Variants in MYH9 observed in about 807,000 individuals in gnomAD.
MYH9 encodes myosin-9.
A neutral mutation model predicts 241.9 loss-of-function variants in MYH9; 29 were observed. That is an observed-to-expected ratio of 0.12 (90% confidence interval 0.09 to 0.16). The LOEUF (loss-of-function observed/expected upper bound fraction) is 0.16. MYH9 is among the 10% of genes least tolerant of loss of function. The probability of loss-of-function intolerance (pLI) is 1.00; values close to 1 mark genes in which losing one functional copy is unlikely to be tolerated. For missense variants in MYH9, 1,803 were observed against 2,595.5 expected, an observed-to-expected ratio of 0.69 and a Z score of 6.63; for synonymous variants, 1,047 against 1,062.6, an observed-to-expected ratio of 0.99 and a Z score of 0.29.
intron 1 of MYH9, among the ~76,000 whole-genome samples, chr22:36,360,762 T>A (rs886220629): frequency 3.0e-4 from 46 of 151,752 alleles, no homozygotes; most frequent in African/African-American, 9.4e-4. Context: ...CTTAACTCCA[T>A]CCCAGGAATA....
intron 12 of MYH9, 75 bp downstream of exon 12, chr22:36,316,442 A>G: frequency 6.2e-7 from 1 of 1,604,938 alleles, no homozygotes; most frequent in Non-Finnish European, 8.5e-7. Flanking sequence ...CATGAGAAGC[A>G]GGGTTCTTAA....
chr22:36,355,217 C>T (rs556638227), intron 1 of MYH9, among the ~76,000 whole-genome samples: 3 of 152,156 alleles, frequency 2.0e-5, no homozygotes, highest in South Asian at 2.1e-4. Flanking sequence ...CATAATCGAG[C>T]GGGACACAAC....
At chr22:36,340,847 G>A (rs1028573326) in intron 3 of MYH9, among the ~76,000 whole-genome samples, 4 of 152,124 alleles carry the variant, frequency 2.6e-5, no homozygotes, top group Admixed American at 2.0e-4. Flanking sequence ...CCAGGAGGTG[G>A]GGATAGAGGC....
At chr22:36,356,686 T>C (rs949415995) in intron 1 of MYH9, among the ~76,000 whole-genome samples, 1 of 148,818 alleles carries the variant, frequency 6.7e-6, no homozygotes, top group African/African-American at 2.5e-5. Flanking sequence ...AACTAATACA[T>C]AGAGAATCCA....
In MYH9 at chr22:36,314,253, G is replaced by A. The variant is rs550631639; in HGVS notation, c.1446C>T (p.His482=). Reference sequence around the variant, plus strand: ...CCTCCTGCTCCAGGATGAACATGGTGTGGTTGAAGAGCTGCTGCAGCTTCT... The same window carrying A: ...CCTCCTGCTCCAGGATGAACATGGTATGGTTGAAGAGCTGCTGCAGCTTCT... ...TNEKLQQLFN[H]TMFILEQEEY... The change falls in exon 13 of 41, where the codon CAC becomes CAT. Residue 482 remains histidine (H), a synonymous_variant. Transcript: ENST00000216181. 1.2e-5 allele frequency: 19 copies of A among 1,614,232 alleles called. No individual in the cohort carries two copies. The South Asian group carries it at 1.6e-4, about 14-fold the overall frequency.
intron 25 of MYH9, among the ~76,000 whole-genome samples, chr22:36,296,621 G>A (rs1015113816): frequency 1.3e-5 from 2 of 150,626 alleles, no homozygotes; most frequent in Admixed American, 1.3e-4. Context: ...TGATAGAGCT[G>A]TGGATGACTT....
In MYH9 at chr22:36,343,033, G is replaced by A. The variant is rs573430604; in HGVS notation, c.334-1507C>T. On this transcript the variant is annotated intron_variant, in intron 2 of 40. Transcript: ENST00000216181. ...CTGCATGCACTACAGAGTCAACCCAGCCCCCTCCACCTGTGCCCTCTCCAG... is the reference window on the plus strand; with the variant it reads ...CTGCATGCACTACAGAGTCAACCCAACCCCCTCCACCTGTGCCCTCTCCAG... 4.6e-5 allele frequency among the ~76,000 whole-genome samples: 7 copies of A among 152,286 alleles called. No homozygotes were observed. In the South Asian group the frequency reaches 1.4e-3, roughly 32 times the overall value.
chr22:36,312,412 C>A (rs1431147529), intron 13 of MYH9, among the ~76,000 whole-genome samples, 190 bp from the exon 14 acceptor site: 1 of 152,184 alleles, frequency 6.6e-6, no homozygotes, highest in African/African-American at 2.4e-5. Flanking sequence ...CAGGCTGCGG[C>A]TGACACCTTT....
intron 18 of MYH9, among the ~76,000 whole-genome samples, chr22:36,304,441 G>C (rs1041750567): frequency 7.9e-5 from 12 of 152,190 alleles, no homozygotes; most frequent in Admixed American, 6.5e-4. Context: ...GAAAGAACGT[G>C]AAGTAAAACA....
intron 1 of MYH9, among the ~76,000 whole-genome samples, chr22:36,377,048 G>A (rs2018179377): frequency 7.1e-6 from 1 of 141,274 alleles, no homozygotes; most frequent in Admixed American, 7.5e-5. Context: ...AGGCGACAAA[G>A]CGAGACCCTA....
At chr22:36,289,661 G>A (rs1371277326) in intron 31 of MYH9, among the ~76,000 whole-genome samples, 8 of 152,156 alleles carry the variant, frequency 5.3e-5, no homozygotes, top group African/African-American at 1.4e-4. Context: ...CACTTTTCAC[G>A]AAGTGAATGC....
At chr22:36,360,712 C>CA (rs551858499) in intron 1 of MYH9, among the ~76,000 whole-genome samples, 7,145 of 109,632 alleles carry the variant, frequency 0.065, 235 homozygotes, top group East Asian at 0.14. Flanking sequence ...GACTCCATCT[C>CA]AAAAAAAAAA....
rs2017253093 is a variant in MYH9, at chr22:36,321,637, A to G, written c.769+121T>C. 14 of 910,394 alleles carry G rather than the reference A, an allele frequency of 1.5e-5. No homozygotes were observed. The Admixed American group carries it at 2.2e-4, about 14-fold the overall frequency. 56.4% of individuals were successfully genotyped at this position (910,394 alleles called of 1,614,324 possible). On this transcript the variant is annotated intron_variant, in intron 7 of 40. Coordinates refer to ENST00000216181, the MANE Select transcript of MYH9 (RefSeq NM_002473.6). ...CTGACAGTCCCCTAGCTCCACAGAG[A>G]AGGTGTCAGGATGGGCCCATAAAGG...
Position 36,302,576 on chromosome 22 carries a change from A to T in MYH9, c.2491T>A (p.Phe831Ile). ...KLRNWQWWRL[F>I]TKVKPLLQVS... is the part of the protein sequence containing the mutation. ...GCCCTTCTAGCACGCACCTTGGTGAAGAGCCGCCACCACTGCCAGTTCCGC... is the reference window on the plus strand; with the variant it reads ...GCCCTTCTAGCACGCACCTTGGTGATGAGCCGCCACCACTGCCAGTTCCGC... Residue 831 changes from phenylalanine to isoleucine, a missense_variant, in exon 20 of 41, where the codon TTC (phenylalanine) becomes ATC (isoleucine). Phe to Ile is a conservative substitution (Grantham distance 21). Around this residue, in one of 11 missense-constraint regions of MYH9, gnomAD observed 13 missense variants for 43.8 expected, o/e 0.30. Transcript: ENST00000216181. The T allele has an allele frequency of 6.2e-7, 1 of 1,613,048 alleles. No homozygotes were observed. The highest frequency in any genetic ancestry group is 8.5e-7 in the Non-Finnish European group (1 of 1,179,854).
chr22:36,344,219 G>A (rs929252006), intron 2 of MYH9, among the ~76,000 whole-genome samples: 2 of 152,234 alleles, frequency 1.3e-5, no homozygotes, highest in African/African-American at 2.4e-5. Context: ...GCGGCTTCGC[G>A]CCCACGCGGC....
chr22:36,350,261 G>A (rs1016572875), intron 1 of MYH9, among the ~76,000 whole-genome samples: 1 of 152,304 alleles, frequency 6.6e-6, no homozygotes, highest in South Asian at 2.1e-4. Flanking sequence ...AAATAGGCTG[G>A]GGACACTGGC....
chr22:36,314,640 GTTTTTTTTTTTTA>G, intron 12 of MYH9, among the ~76,000 whole-genome samples: 1 of 150,008 alleles, frequency 6.7e-6, no homozygotes, highest in South Asian at 2.1e-4. Context: ...GTAATACATT[GTTTTTTTTTTTTA>G]TTTTTTATTT....
Position 36,320,464 on chromosome 22 carries a change from G to A in MYH9, c.869-101C>T. 1.4e-6 allele frequency: 2 copies of A among 1,478,190 alleles called. No homozygotes were observed. 91.6% of individuals were successfully genotyped at this position (1,478,190 alleles called of 1,614,324 possible). A position where few individuals can be genotyped will look rare whatever the true frequency, so the allele number is the denominator to read the frequency against. On this transcript the variant is annotated intron_variant, in intron 8 of 40. Coordinates refer to ENST00000216181, the MANE Select transcript of MYH9 (RefSeq NM_002473.6). This position sits in a 1 kb window ranked among gnomAD's most constrained non-coding sequence, Gnocchi z 4.8. ...GGTTGGAGAGACTGGGACAGACCCT[G>A]AGCCCTGACGCACCCTGGAAACCGC...
At chr22:36,301,812 C>G (rs760408179) in intron 20 of MYH9, 147 bp from the exon 21 acceptor site, 50 of 1,048,640 alleles carry the variant, frequency 4.8e-5, no homozygotes, top group Non-Finnish European at 6.5e-5. Flanking sequence ...CAGGCACATC[C>G]TTCCTGGCGC....
Sources: gnomAD v4.1 joint callset for allele counts (sites outside exome capture counted in the v4.1 genomes callset) on GRCh38, gnomAD v4.1.1 for gene constraint, gnomAD v4.1.1 regional missense constraint, Gnocchi (gnomAD v3.1) non-coding constraint, MANE v1.5 for transcripts, NCBI Gene and HGNC (gene_info 2026-07-23, HGNC 2026-07-21) for gene names.